IQCE: variants seen among roughly 807,000 people sequenced by gnomAD.
IQCE encodes IQ domain-containing protein E.
Under a neutral mutation model 96.0 loss-of-function variants are expected in IQCE, and 115 were observed. That is an observed-to-expected ratio of 1.20 (90% confidence interval 1.03 to 1.40). The LOEUF is 1.40. Among genes scored for constraint, IQCE ranks in the 40% most tolerant of loss-of-function variants. The pLI is 0.00. For synonymous variants in IQCE, 412 were observed against 371.2 expected (o/e 1.11, Z -1.26); for missense variants, 1,041 against 909.1 (o/e 1.15, Z -1.87).
chr7:2,576,421 CT>C (rs931209279), intron 6 of IQCE, among the ~76,000 whole-genome samples: 45 of 148,540 alleles, frequency 3.0e-4, no homozygotes, highest in African/African-American at 1.1e-3. Context: ...CTTTTTTTTT[CT>C]TTTTTTTTGA....
chr7:2,599,876 C>T (rs1364006375), intron 17 of IQCE, among the ~76,000 whole-genome samples: 2 of 152,028 alleles, frequency 1.3e-5, no homozygotes, highest in East Asian at 1.9e-4. Context: ...TCACTGCAAC[C>T]TCCGCCTCCC....
Position 2,578,478 on chromosome 7 carries a change from C to T in IQCE, c.582C>T (p.Gly194=). 1 of 1,614,172 alleles carries T rather than the reference C, an allele frequency of 6.2e-7. No individual in the cohort carries two copies. Among genetic ancestry groups the T allele is most frequent in the Non-Finnish European group, 8.5e-7 (1 of 1,180,016 alleles). Residue 194 remains glycine (G), a splice_region_variant and synonymous_variant, in exon 8 of 22, where the codon GGC becomes GGT. Transcript: ENST00000402050. ...ATGTCTCAATCTGCTTACCACAGGG[C>T]ACGGATTTTGTTCGGACTCTGGCAG... ...QIEQLLDPSR[G]TDFVRTLAEK...
chr7:2,561,588 T>A (rs927044160), intron 1 of IQCE, among the ~76,000 whole-genome samples: 2 of 151,920 alleles, frequency 1.3e-5, no homozygotes, highest in Admixed American at 6.6e-5. Context: ...GCCCGGCTAA[T>A]TTTTTTGTAT....
Position 2,583,637 on chromosome 7 carries a change from C to G in IQCE, c.702C>G (p.Ser234Arg), listed in dbSNP as rs182671518. Residue 234 changes from serine (S) to arginine (R), a missense_variant and splice_region_variant, in exon 10 of 22, where the codon AGC becomes AGG. By Grantham distance (110) the Ser-to-Arg change is moderately radical. Coordinates refer to ENST00000402050, the MANE Select transcript of IQCE (RefSeq NM_152558.5). ...QQCKEKDGTI[S>R]KLQTDMKTTN... ...ATTAACGCTGAACTTGGGTTTTCAG[C>G]AAACTCCAGACCGATATGAAGACTA... 3.0e-3 allele frequency: 4,664 copies of G among 1,579,018 alleles called. 10 individuals are homozygous for G. The highest frequency in any genetic ancestry group is 3.6e-3 in the Non-Finnish European group (4,207 of 1,158,026).
At position 2,611,304 on chromosome 7, in the gene IQCE, G is replaced by T. The variant is rs1434199733; in HGVS notation, c.*1142G>T. 2.0e-5 allele frequency: 3 copies of T among 152,316 alleles called. No homozygotes were observed. The highest frequency in any genetic ancestry group is 4.4e-5 in the Non-Finnish European group (3 of 68,104). 9.4% of individuals were successfully genotyped at this position (152,316 alleles called of 1,614,324 possible). On this transcript the variant is annotated 3_prime_UTR_variant, in exon 22 of 22. Coordinates refer to ENST00000402050, the MANE Select transcript of IQCE (RefSeq NM_152558.5). ...CTTAGACCTGGGCGGGCCTTCAGGG[G>T]CATCTAGACCCCTGCACAGCCCAGG... is the stretch of plus-strand genomic sequence containing the variant.
At chr7:2,581,855 G>A (rs1168873760) in intron 8 of IQCE, among the ~76,000 whole-genome samples, 1 of 151,772 alleles carries the variant, frequency 6.6e-6, no homozygotes, top group Non-Finnish European at 1.5e-5. Flanking sequence ...GACTACAGGC[G>A]CCCGCCACCG....
chr7:2,582,607 C>T lies in IQCE; in HGVS notation c.658C>T (p.Leu220=), dbSNP rs1177668194. The T allele has an allele frequency of 1.2e-6, 2 of 1,614,088 alleles. No individual in the cohort carries two copies. Among genetic ancestry groups the T allele is most frequent in the Non-Finnish European group, 1.7e-6 (2 of 1,179,996 alleles). ...CATTAACGGGCTGAAGCAGAGGATC[C>T]TGAAGCTGGAACAGCAGTGCAAGGA... The part of the protein sequence containing the change: ...WVINGLKQRI[L]KLEQQCKEKD... The change falls in exon 9 of 22, where the codon CTG becomes TTG. Residue 220 remains leucine, a synonymous_variant. Transcript: ENST00000402050.
At position 2,572,226 on chromosome 7, in the gene IQCE, C is replaced by T. The variant is rs1445672480; in HGVS notation, c.294C>T (p.Thr98=). The T allele has an allele frequency of 6.2e-7, 1 of 1,614,172 alleles. No individual in the cohort carries two copies. The highest frequency in any genetic ancestry group is 8.5e-7 in the Non-Finnish European group (1 of 1,180,002). Residue 98 remains threonine, a synonymous_variant, in exon 5 of 22, where the codon ACC becomes ACT. Transcript: ENST00000402050. ...SLTQALNSPL[T]WEHAWTGVPG... ...CCCAGGCCCTGAACTCACCCCTCACCTGGGAGCATGCGTGGACTGGCGTCC... is the reference window on the plus strand; with the variant it reads ...CCCAGGCCCTGAACTCACCCCTCACTTGGGAGCATGCGTGGACTGGCGTCC...
At position 2,567,006 on chromosome 7, in the gene IQCE, G is replaced by A. The variant is rs1583392242; in HGVS notation, c.37-110G>A. 6.9e-6 allele frequency: 6 copies of A among 863,878 alleles called. No homozygotes were observed. In the East Asian group the frequency reaches 1.6e-4, roughly 22 times the overall value. The allele number at this position is 863,878 out of a possible 1,614,324, so 53.5% of individuals were successfully genotyped here. ...TGAGTGGCCTCAGAGCTGGATTTCT[G>A]GAGTTTCTGTTTCAGCAGCTGTGGA... On this transcript the variant is annotated intron_variant, in intron 1 of 21. Coordinates refer to ENST00000402050, the MANE Select transcript of IQCE (RefSeq NM_152558.5).
At chr7:2,606,534 G>A (rs904681110) in intron 20 of IQCE, among the ~76,000 whole-genome samples, 12 of 152,242 alleles carry the variant, frequency 7.9e-5, no homozygotes, top group African/African-American at 2.6e-4. Context: ...AGACGGCCCC[G>A]CTCCGTCACC....
In IQCE at chr7:2,559,263, C is replaced by G. The variant is rs544297151; in HGVS notation, c.36+46C>G. On this transcript the variant is annotated intron_variant, in intron 1 of 21. Coordinates refer to ENST00000402050, the MANE Select transcript of IQCE (RefSeq NM_152558.5). Reference sequence around the variant, plus strand: ...GACGCCGGGCGGGCGTCCGCGAGGCCTCGGCTCGTCTCCGTCGCCCGCAGC... The same window carrying G: ...GACGCCGGGCGGGCGTCCGCGAGGCGTCGGCTCGTCTCCGTCGCCCGCAGC... The G allele has an allele frequency of 1.6e-5, 19 of 1,158,926 alleles. No individual in the cohort carries two copies. In the South Asian group the frequency reaches 6.4e-4, roughly 39 times the overall value. 71.8% of individuals were successfully genotyped at this position (1,158,926 alleles called of 1,614,324 possible).
intron 10 of IQCE, among the ~76,000 whole-genome samples, 188 bp downstream of exon 10, chr7:2,583,897 T>TGCTGGGCGGCGGGGCGGGCACCGA (rs1308891979): frequency 2.3e-4 from 2 of 8,682 alleles, no homozygotes; most frequent in Non-Finnish European, 4.5e-4. Context: ...GCGGGCACCG[T>TGCTGGGCGGCGGGGCGGGCACCGA]GCTGGGCGGC....
rs1378314956 is a variant in IQCE, at chr7:2,578,598, C to T, written c.630+72C>T. On this transcript the variant is annotated intron_variant, in intron 8 of 21. Transcript: ENST00000402050. ...ACTGGGGACAGCCACAGAGGGACGC[C>T]TTTCCCTGCAGCACCCACGCGTGAA... 4 of 1,535,062 alleles carry T rather than the reference C, an allele frequency of 2.6e-6. No homozygotes were observed. The South Asian group carries it at 3.4e-5, about 13-fold the overall frequency.
Position 2,607,177 on chromosome 7 carries a change from C to T in IQCE, c.1919C>T (p.Ser640Leu), listed in dbSNP as rs1051863687. 1.2e-6 allele frequency: 2 copies of T among 1,613,224 alleles called. No homozygotes were observed. The highest frequency in any genetic ancestry group is 3.3e-5 in the Admixed American group (2 of 59,924). Residue 640 changes from serine to leucine, a missense_variant, in exon 21 of 22, where the codon TCA (serine) becomes TTA (leucine). Physicochemically the swap from Ser to Leu is moderately radical, Grantham distance 145. Transcript: ENST00000402050. The stretch of plus-strand genomic sequence containing the variant: ...GCTTCTACCAGGAGGAGATCGGCTT[C>T]AGCCACACACGGGGACGCCTCCTCC... ...TAASTRRRSA[S>L]ATHGDASSPP... is the part of the protein sequence containing the mutation.
At chr7:2,596,794 AAAAT>A in intron 16 of IQCE, 1 of 360,656 alleles carries the variant, frequency 2.8e-6, no homozygotes, top group East Asian at 7.4e-5. Context: ...CAGAGGCCTG[AAAAT>A]GTGTCAGGAC....
At chr7:2,572,778 A>G in intron 5 of IQCE, 1 of 455,010 alleles carries the variant, frequency 2.2e-6, no homozygotes, top group Non-Finnish European at 4.4e-6. Flanking sequence ...TCCTGGACTC[A>G]AGTGATCCTC....
At chr7:2,607,282 A>T (rs1256175853) in intron 21 of IQCE, 55 bp downstream of exon 21, 1 of 1,609,574 alleles carries the variant, frequency 6.2e-7, no homozygotes, top group African/African-American at 1.3e-5. Context: ...CTGAGGTCTC[A>T]GCCAAAGAGT....
intron 13 of IQCE, among the ~76,000 whole-genome samples, chr7:2,588,664 T>G (rs1783328752): frequency 7.7e-6 from 1 of 129,402 alleles, no homozygotes; most frequent in Admixed American, 7.7e-5. Flanking sequence ...GTTTTTTTTT[T>G]TTTTTTTTTT....
chr7:2,581,910 C>T, intron 8 of IQCE: 1 of 294,080 alleles, frequency 3.4e-6, no homozygotes, highest in South Asian at 2.9e-5. Context: ...GACGGGGTTT[C>T]ACCTTGTTAG....
Sources: allele counts gnomAD v4.1 joint callset (sites outside exome capture counted in the v4.1 genomes callset), GRCh38; gene constraint gnomAD v4.1.1; transcripts MANE v1.5; gene names NCBI Gene and HGNC (gene_info 2026-07-23, HGNC 2026-07-21).